The following TEX52 variants were observed in gnomAD, a reference collection of about 807,000 sequenced individuals.
The protein encoded by TEX52 is testis expressed 52.
TEX52 carries 22 observed loss-of-function variants against 17.6 expected under a neutral mutation model. That is an observed-to-expected ratio of 1.25 (90% CI 0.89 to 1.78). The LOEUF (loss-of-function observed/expected upper bound fraction) is 1.78, where lower values mean the gene tolerates loss of function less well. TEX52 is among the 40% of genes most tolerant of loss of function. The pLI, the probability that TEX52 is intolerant of heterozygous loss-of-function variation, is 0.00. For missense variants in TEX52, 396 were observed against 372.3 expected, an observed-to-expected ratio of 1.06 and a Z score of -0.52; for synonymous variants, 168 against 147.4, an observed-to-expected ratio of 1.14 and a Z score of -1.01.
chr12:2,849,552 C>A, intron 2 of TEX52, 27 bp from the exon 3 acceptor site: 1 of 1,535,586 alleles, frequency 6.5e-7, no homozygotes, highest in South Asian at 1.2e-5. Context: ...ATGGAGAGAA[C>A]AGAGAGATCA....
intron 2 of TEX52, among the ~76,000 whole-genome samples, chr12:2,852,597 T>G (rs1251996818): frequency 6.6e-6 from 1 of 152,128 alleles, no homozygotes; most frequent in Non-Finnish European, 1.5e-5. Flanking sequence ...TGAACTGGCC[T>G]CAAGCGATCC....
chr12:2,850,317 T>TA (rs554655576), intron 2 of TEX52, among the ~76,000 whole-genome samples: 222 of 151,762 alleles, frequency 1.5e-3, no homozygotes, highest in African/African-American at 5.0e-3. Context: ...CTACTAAAAA[T>TA]ACAAAAATTA....
intron 2 of TEX52, among the ~76,000 whole-genome samples, chr12:2,852,249 T>A (rs1470543477): frequency 6.6e-6 from 1 of 152,158 alleles, no homozygotes; most frequent in Non-Finnish European, 1.5e-5. Context: ...GAGACAAGGA[T>A]CCTACTGTCA....
In TEX52 at chr12:2,853,399, A is replaced by G. The variant is rs368904103; in HGVS notation, c.623+1497T>C. ...GTGATTCCCCTGCCTCAGCCTCCTG[A>G]GTAGCTGGGATTACAGGCGCCTGCC... On this transcript the variant is annotated intron_variant, in intron 2 of 2. Coordinates refer to ENST00000637658, the MANE Select transcript of TEX52 (RefSeq NM_001365174.2). 6.8e-4 allele frequency among the ~76,000 whole-genome samples: 104 copies of G among 152,054 alleles called. No homozygotes were observed. In the East Asian group the frequency reaches 0.014, roughly 20 times the overall value.
Position 2,855,161 on chromosome 12 carries a change from C to T in TEX52, c.358G>A (p.Val120Ile). The change falls in exon 2 of 3, where the codon GTC (valine) becomes ATC (isoleucine). Residue 120 changes from valine to isoleucine, a missense_variant. Transcript: ENST00000637658. ...TTGGAGTCGGTCAGCCAGCGCCAGA[C>T]ATTGCTATCGTAGGGCCTGTCAGGC... ...TQPDRPYDSN[V>I]WRWLTDSNAH... The T allele has an allele frequency of 6.6e-7, 1 of 1,523,776 alleles. No individual in the cohort carries two copies. The highest frequency in any genetic ancestry group is 1.7e-4 in the Middle Eastern group (1 of 5,930). 94.4% of individuals were successfully genotyped at this position (1,523,776 alleles called of 1,614,324 possible). A position where few individuals can be genotyped will look rare whatever the true frequency, so the allele number is the denominator to read the frequency against.
At chr12:2,849,787 A>G (rs1419960015) in intron 2 of TEX52, among the ~76,000 whole-genome samples, 2 of 152,202 alleles carry the variant, frequency 1.3e-5, no homozygotes, top group African/African-American at 2.4e-5. Flanking sequence ...CATACTGCAT[A>G]TAATATTATG....
intron 1 of TEX52, among the ~76,000 whole-genome samples, chr12:2,856,626 G>A (rs1461415919): frequency 3.3e-5 from 5 of 152,212 alleles, no homozygotes; most frequent in Non-Finnish European, 5.9e-5. Context: ...ACCTCCCGAA[G>A]TGCTGGGATT....
intron 2 of TEX52, among the ~76,000 whole-genome samples, chr12:2,851,906 T>G (rs1049020661): frequency 6.6e-6 from 1 of 152,078 alleles, no homozygotes; most frequent in Non-Finnish European, 1.5e-5. Flanking sequence ...CTTGAACTCC[T>G]TACCTCAAGT....
In TEX52 at chr12:2,855,048, A is replaced by G; in HGVS notation, c.471T>C (p.Tyr157=). ...QNSFLTFIHC[Y]PTFVDMKRKK... ...TCCTTTTCATGTCCACAAACGTGGG[A>G]TAACAGTGGATGAAGGTCAGGAAGC... Residue 157 remains tyrosine (Y), a synonymous_variant, in exon 2 of 3, where the codon TAT becomes TAC. Transcript: ENST00000637658. 6.5e-7 allele frequency: 1 copy of G among 1,536,030 alleles called. No homozygotes were observed. The highest frequency in any genetic ancestry group is 8.7e-7 in the Non-Finnish European group (1 of 1,146,894).
At chr12:2,854,290 T>G (rs1345293135) in intron 2 of TEX52, among the ~76,000 whole-genome samples, 5 of 151,962 alleles carry the variant, frequency 3.3e-5, no homozygotes, top group Non-Finnish European at 7.4e-5. Flanking sequence ...CTCCTAAAGT[T>G]CTGGGATTAC....
At chr12:2,855,514 ACTCCGCTCTCCTTCCCAGGCACGAC>A in intron 1 of TEX52, 68 bp from the exon 2 acceptor site, 1 of 1,241,230 alleles carries the variant, frequency 8.1e-7, no homozygotes, top group Non-Finnish European at 1.1e-6. Flanking sequence ...TGGGTGAGGC[ACTCCGCTCTCCTTCCCAGGCACGAC>A]CTCTGCCAGC....
intron 2 of TEX52, among the ~76,000 whole-genome samples, chr12:2,851,006 A>T (rs1603489218): frequency 1.8e-5 from 2 of 110,004 alleles, no homozygotes; most frequent in East Asian, 3.0e-4. Flanking sequence ...TTTTTTTGAG[A>T]CAGAGTCTCG....
At position 2,855,151 on chromosome 12, in the gene TEX52, C is replaced by T; in HGVS notation, c.368G>A (p.Trp123Ter). The T allele has an allele frequency of 2.0e-6, 3 of 1,527,030 alleles. No individual in the cohort carries two copies. Among genetic ancestry groups the T allele is most frequent in the Non-Finnish European group, 2.6e-6 (3 of 1,141,082 alleles). The allele number at this position is 1,527,030 out of a possible 1,614,324, so 94.6% of individuals were successfully genotyped here. A position where few individuals can be genotyped will look rare whatever the true frequency, so the allele number is the denominator to read the frequency against. The change falls in exon 2 of 3, where the codon TGG becomes TAG. Residue 123 changes from tryptophan (W) to a stop codon, truncating the protein, a stop_gained. Transcript: ENST00000637658. LOFTEE classifies it high-confidence loss of function. ...DRPYDSNVWR[W>*]LTDSNAHRCP... is the part of the protein sequence containing the mutation. ...TCTGTGGGCATTGGAGTCGGTCAGC[C>T]AGCGCCAGACATTGCTATCGTAGGG... is the stretch of plus-strand genomic sequence containing the variant.
At chr12:2,853,774 C>T (rs1174389367) in intron 2 of TEX52, among the ~76,000 whole-genome samples, 3 of 152,076 alleles carry the variant, frequency 2.0e-5, no homozygotes, top group African/African-American at 4.8e-5. Context: ...GGGAAGCATC[C>T]GTGAGTTCCC....
downstream of TEX52, chr12:2,848,986 G>A: frequency 2.0e-6 from 1 of 498,538 alleles, no homozygotes; most frequent in Non-Finnish European, 3.6e-6. Flanking sequence ...CCAGCCTCCT[G>A]GCCGCAGTCC....
chr12:2,855,140 AGTCG>A lies in TEX52; in HGVS notation c.375_378del (p.Asp126ProfsTer25). 6.5e-7 allele frequency: 1 copy of A among 1,531,046 alleles called. No individual in the cohort carries two copies. The highest frequency in any genetic ancestry group is 1.2e-5 in the South Asian group (1 of 83,546). 94.8% of individuals were successfully genotyped at this position (1,531,046 alleles called of 1,614,324 possible). Reference sequence around the variant, plus strand: ...GTGGGGGGGCATCTGTGGGCATTGGAGTCGGTCAGCCAGCGCCAGACATTGCTAT... The same window carrying A: ...GTGGGGGGGCATCTGTGGGCATTGGAGTCAGCCAGCGCCAGACATTGCTAT... On this transcript the variant is annotated frameshift_variant, in exon 2 of 3. Coordinates refer to ENST00000637658, the MANE Select transcript of TEX52 (RefSeq NM_001365174.2). LOFTEE classifies it high-confidence loss of function.
chr12:2,855,420 T>A lies in TEX52; in HGVS notation c.99A>T (p.Pro33=). 1 of 315,654 alleles carries A rather than the reference T, an allele frequency of 3.2e-6. No homozygotes were observed. Among genetic ancestry groups the A allele is most frequent in the Non-Finnish European group, 6.4e-6 (1 of 156,454 alleles). The allele number at this position is 315,654 out of a possible 1,614,324, so 19.6% of individuals were successfully genotyped here. A position where few individuals can be genotyped will look rare whatever the true frequency, so the allele number is the denominator to read the frequency against. The change falls in exon 2 of 3, where the codon CCA becomes CCT. Residue 33 remains proline (P), a synonymous_variant. Coordinates refer to ENST00000637658, the MANE Select transcript of TEX52 (RefSeq NM_001365174.2). ...LQMVQASESL[P]PSQTWAQREF... Reference sequence around the variant, plus strand: ...CACGCTGAGCCCACGTTTGGGAGGGTGGGAGGGACTCGCTGGCCTGGACCA... The same window carrying A: ...CACGCTGAGCCCACGTTTGGGAGGGAGGGAGGGACTCGCTGGCCTGGACCA...
At chr12:2,847,892 TTC>T (rs1372614453), downstream of TEX52, among the ~76,000 whole-genome samples, 7 of 152,238 alleles carry the variant, frequency 4.6e-5, no homozygotes, top group Middle Eastern at 3.2e-3. Flanking sequence ...AATACTCAAT[TTC>T]TTTTTATGGC....
intron 2 of TEX52, among the ~76,000 whole-genome samples, chr12:2,852,849 A>G (rs971948611): frequency 1.3e-5 from 2 of 152,066 alleles, no homozygotes; most frequent in African/African-American, 4.8e-5. Context: ...AAGTACAAAA[A>G]TTAGCCAGGC....
Sources: allele counts gnomAD v4.1 joint callset (sites outside exome capture counted in the v4.1 genomes callset), GRCh38; gene constraint gnomAD v4.1.1; transcripts MANE v1.5; gene names NCBI Gene and HGNC (gene_info 2026-07-23, HGNC 2026-07-21).